The following SUPT3H variants were observed in gnomAD, a reference collection of about 807,000 sequenced individuals.
SUPT3H encodes transcription initiation protein SPT3 homolog.
SUPT3H carries 44 observed loss-of-function variants against 44.3 expected under a neutral mutation model. The observed-to-expected ratio is 0.99, with a 90% CI of 0.78 to 1.28. The LOEUF (loss-of-function observed/expected upper bound fraction) is 1.28, where lower values mean the gene tolerates loss of function less well. Ranked by LOEUF, SUPT3H falls within the 50% of genes most tolerant of loss-of-function variation. The pLI, the probability that SUPT3H is intolerant of heterozygous loss-of-function variation, is 0.00. For missense variants in SUPT3H, 380 were observed against 387.1 expected (o/e 0.98, Z 0.15); for synonymous variants, 124 against 125.6 (o/e 0.99, Z 0.09).
At chr6:45,261,533 C>A (rs1036388334) in intron 2 of SUPT3H, among the ~76,000 whole-genome samples, 3 of 151,888 alleles carry the variant, frequency 2.0e-5, no homozygotes, top group Non-Finnish European at 4.4e-5. Context: ...ATTCAACATC[C>A]CTTCATGTTA....
At chr6:45,112,523 C>T (rs1461117675) in intron 2 of SUPT3H, among the ~76,000 whole-genome samples, 4 of 151,874 alleles carry the variant, frequency 2.6e-5, no homozygotes, top group African/African-American at 4.8e-5. Flanking sequence ...TTTTAAATTT[C>T]CAAGCCCTGA....
intron 2 of SUPT3H, among the ~76,000 whole-genome samples, chr6:45,310,802 C>T (rs1009952087): frequency 6.6e-6 from 1 of 152,172 alleles, no homozygotes; most frequent in Non-Finnish European, 1.5e-5. Flanking sequence ...TAGACCTTCC[C>T]TCTGACAGAG....
chr6:44,986,579 A>G (rs1469171689), intron 6 of SUPT3H, among the ~76,000 whole-genome samples: 1 of 152,150 alleles, frequency 6.6e-6, no homozygotes, highest in Admixed American at 6.6e-5. Flanking sequence ...GAGATGCAGA[A>G]TGAATGTCAA....
chr6:45,330,592 C>T (rs1787273877), intron 2 of SUPT3H, among the ~76,000 whole-genome samples: 1 of 152,000 alleles, frequency 6.6e-6, no homozygotes, highest in Admixed American at 6.6e-5. Flanking sequence ...TTAAAATTCT[C>T]ACAAAGAATA....
intron 3 of SUPT3H, among the ~76,000 whole-genome samples, chr6:45,050,878 A>ATTTTTTTTT (rs35575281): frequency 3.5e-5 from 3 of 86,164 alleles, no homozygotes; most frequent in Non-Finnish European, 6.5e-5. Flanking sequence ...AGGGTATGGG[A>ATTTTTTTTT]TTTTTTTTTT....
intron 1 of SUPT3H, 77 bp from the exon 2 acceptor site, chr6:45,365,378 T>C (rs1794959255): frequency 2.1e-6 from 2 of 960,358 alleles, no homozygotes; most frequent in Non-Finnish European, 3.1e-6. Context: ...AAAGCAAATA[T>C]AAATTACTTC....
intron 2 of SUPT3H, among the ~76,000 whole-genome samples, chr6:45,181,825 C>G (rs1272041399): frequency 5.3e-5 from 8 of 151,352 alleles, no homozygotes; most frequent in Non-Finnish European, 1.0e-4. Context: ...ATGTAACTAA[C>G]CTGCACATTG....
intron 10 of SUPT3H, among the ~76,000 whole-genome samples, chr6:44,880,985 G>T (rs375998982): frequency 1.3e-5 from 2 of 151,910 alleles, no homozygotes; most frequent in South Asian, 2.1e-4. Flanking sequence ...AAATTCTAAA[G>T]ACCATCATCA....
intron 10 of SUPT3H, chr6:44,898,736 G>GT (rs150946816): frequency 0.02 from 3,075 of 152,424 alleles, 42 homozygotes; most frequent in Non-Finnish European, 0.032. Flanking sequence ...ACTGCACAGC[G>GT]TGACACCTGG....
intron 2 of SUPT3H, among the ~76,000 whole-genome samples, chr6:45,226,018 C>T (rs899606322): frequency 6.6e-6 from 1 of 152,142 alleles, no homozygotes; most frequent in African/African-American, 2.4e-5. Flanking sequence ...CTTCACAAGA[C>T]ATATACACCA....
chr6:44,838,603 C>G (rs1220097904), intron 10 of SUPT3H, among the ~76,000 whole-genome samples: 1 of 152,104 alleles, frequency 6.6e-6, no homozygotes, highest in Non-Finnish European at 1.5e-5. Flanking sequence ...ATAGGCTAGT[C>G]AATAAATGCT....
intron 10 of SUPT3H, among the ~76,000 whole-genome samples, chr6:44,910,860 T>C (rs1443460765): frequency 6.6e-6 from 1 of 151,678 alleles, no homozygotes; most frequent in Non-Finnish European, 1.5e-5. Flanking sequence ...CCAGGTATGA[T>C]GGCAGGTGCC....
chr6:45,351,266 C>G (rs1407655089), intron 2 of SUPT3H, among the ~76,000 whole-genome samples: 1 of 152,066 alleles, frequency 6.6e-6, no homozygotes, highest in East Asian at 1.9e-4. Context: ...TTCAGCCACT[C>G]CCACAGAGAC....
chr6:45,294,871 C>T (rs1780899004), intron 2 of SUPT3H, among the ~76,000 whole-genome samples: 1 of 151,634 alleles, frequency 6.6e-6, no homozygotes, highest in South Asian at 2.1e-4. Context: ...AAACACATCC[C>T]ATCCTAATGG....
chr6:44,901,777 G>C (rs1338465982), intron 10 of SUPT3H, among the ~76,000 whole-genome samples: 1 of 152,132 alleles, frequency 6.6e-6, no homozygotes, highest in Non-Finnish European at 1.5e-5. Context: ...CAGAGAGAAA[G>C]GTCGGGTTAC....
At chr6:45,206,865 T>G (rs1763291711) in intron 2 of SUPT3H, among the ~76,000 whole-genome samples, 1 of 152,120 alleles carries the variant, frequency 6.6e-6, no homozygotes, top group African/African-American at 2.4e-5. Context: ...GACCTGGTTT[T>G]GGCTACACTA....
chr6:45,315,934 T>C (rs866847716), intron 2 of SUPT3H, among the ~76,000 whole-genome samples: 5 of 143,696 alleles, frequency 3.5e-5, no homozygotes, highest in African/African-American at 4.9e-5. Context: ...GATAGATAGA[T>C]AGATAGATAG....
intron 10 of SUPT3H, among the ~76,000 whole-genome samples, chr6:44,913,593 G>A (rs565803765): frequency 9.2e-5 from 14 of 152,216 alleles, no homozygotes; most frequent in African/African-American, 3.1e-4. Context: ...AAAACAAGAC[G>A]TCTAGACTCT....
At chr6:44,874,874 C>G (rs143816940) in intron 10 of SUPT3H, among the ~76,000 whole-genome samples, 1 of 147,240 alleles carries the variant, frequency 6.8e-6, no homozygotes, top group Non-Finnish European at 1.5e-5. Flanking sequence ...AACAGAGAGG[C>G]AAATCACGAG....
Sources: gnomAD v4.1 joint callset for allele counts (sites outside exome capture counted in the v4.1 genomes callset) on GRCh38, gnomAD v4.1.1 for gene constraint, MANE v1.5 for transcripts, NCBI Gene and HGNC (gene_info 2026-07-23, HGNC 2026-07-21) for gene names.